Variants in PLEKHA1 observed in about 807,000 individuals in gnomAD.
PLEKHA1 encodes the protein pleckstrin homology domain-containing family A member 1.
PLEKHA1 carries 34 observed loss-of-function variants against 52.0 expected under a neutral mutation model. The ratio of observed to expected loss-of-function variants is 0.65; its 90% CI spans 0.50 to 0.87. The LOEUF (loss-of-function observed/expected upper bound fraction) is 0.87, where lower values mean the gene tolerates loss of function less well. Ranked by LOEUF, PLEKHA1 falls within the 40% of genes least tolerant of loss-of-function variation. The pLI is 0.00. For missense variants in PLEKHA1, 497 were observed against 504.2 expected, an observed-to-expected ratio of 0.99 and a Z score of 0.14; for synonymous variants, 163 against 170.7, an observed-to-expected ratio of 0.95 and a Z score of 0.35.
chr10:122,381,241 A>G (rs1267854419), intron 1 of PLEKHA1, among the ~76,000 whole-genome samples: 2 of 150,498 alleles, frequency 1.3e-5, no homozygotes, highest in East Asian at 3.9e-4. Flanking sequence ...TGGACCAGAG[A>G]GGTAGCAAGT....
At chr10:122,424,534 AAATTT>A (rs1223262805) in intron 9 of PLEKHA1, among the ~76,000 whole-genome samples, 1 of 152,200 alleles carries the variant, frequency 6.6e-6, no homozygotes, top group Non-Finnish European at 1.5e-5. Flanking sequence ...GGAAAGGAAT[AAATTT>A]AATGTGAACA....
intron 3 of PLEKHA1, among the ~76,000 whole-genome samples, chr10:122,398,782 G>A (rs1397695934): frequency 6.6e-6 from 1 of 152,026 alleles, no homozygotes; most frequent in African/African-American, 2.4e-5. Flanking sequence ...TTACAAATGT[G>A]CCTCTGTTTA....
intron 11 of PLEKHA1, among the ~76,000 whole-genome samples, chr10:122,428,579 A>G (rs2097373605): frequency 6.6e-6 from 1 of 152,248 alleles, no homozygotes; most frequent in African/African-American, 2.4e-5. Context: ...ACATATAAAA[A>G]TTAATATACT....
At chr10:122,394,946 T>A (rs559439978) in intron 2 of PLEKHA1, among the ~76,000 whole-genome samples, 20 of 152,346 alleles carry the variant, frequency 1.3e-4, no homozygotes, top group African/African-American at 4.8e-4. Flanking sequence ...CAAAATAGAA[T>A]ATATTTATTA....
At position 122,413,281 on chromosome 10, in the gene PLEKHA1, A is replaced by T. The variant is rs149967879; in HGVS notation, c.468+236A>T. Among the ~76,000 whole-genome samples the T allele has an allele frequency of 7.5e-3, 1,136 of 152,126 alleles. 4 individuals carry two copies. Among genetic ancestry groups the T allele is most frequent in the South Asian group, 0.03 (143 of 4,820 alleles). The stretch of plus-strand genomic sequence containing the variant: ...TGTACTTTTCACCTCAGAAATGGAG[A>T]TATGAGTTGTATATTACATTTTGTA... On this transcript the variant is annotated intron_variant, in intron 6 of 11. Coordinates refer to ENST00000368990, the MANE Select transcript of PLEKHA1 (RefSeq NM_001001974.4).
intron 6 of PLEKHA1, among the ~76,000 whole-genome samples, chr10:122,413,615 T>G (rs2097136118): frequency 6.6e-6 from 1 of 152,144 alleles, no homozygotes; most frequent in African/African-American, 2.4e-5. Flanking sequence ...GAATTTTAAC[T>G]AAGTTATATC....
intron 1 of PLEKHA1, among the ~76,000 whole-genome samples, chr10:122,385,839 A>G (rs1488947130): frequency 1.3e-5 from 2 of 152,150 alleles, no homozygotes; most frequent in African/African-American, 4.8e-5. Flanking sequence ...GCCAAGTAAT[A>G]TTTTATTGTA....
chr10:122,432,256 T>A lies in PLEKHA1; in HGVS notation c.*2318T>A, dbSNP rs1591000525. The A allele has an allele frequency of 6.6e-6, 1 of 152,354 alleles. No homozygotes were observed. The highest frequency in any genetic ancestry group is 1.9e-4 in the East Asian group (1 of 5,186). The allele number at this position is 152,354 out of a possible 1,614,324, so 9.4% of individuals were successfully genotyped here. A position where few individuals can be genotyped will look rare whatever the true frequency, so the allele number is the denominator to read the frequency against. On this transcript the variant is annotated 3_prime_UTR_variant, in exon 12 of 12. Coordinates refer to ENST00000368990, the MANE Select transcript of PLEKHA1 (RefSeq NM_001001974.4). ...TCTTCTTTCAGAATGGGAATATATGTGTGCCTCCCAACATTTACTGTTAAA... is the reference window on the plus strand; with the variant it reads ...TCTTCTTTCAGAATGGGAATATATGAGTGCCTCCCAACATTTACTGTTAAA...
the PLEKHA1 span, chr10:122,440,554 C>G: frequency 6.6e-6 from 1 of 152,216 alleles, no homozygotes; most frequent in Non-Finnish European, 1.5e-5. Context: ...TCTCATCTTT[C>G]CCATCACACA....
At chr10:122,415,168 T>A (rs1425009993) in intron 6 of PLEKHA1, among the ~76,000 whole-genome samples, 2 of 152,190 alleles carry the variant, frequency 1.3e-5, no homozygotes, top group Non-Finnish European at 2.9e-5. Flanking sequence ...TGGACGAATC[T>A]CTAGAGAATT....
chr10:122,421,028 A>G (rs1265509162), intron 8 of PLEKHA1: 1 of 152,246 alleles, frequency 6.6e-6, no homozygotes, highest in Non-Finnish European at 1.5e-5. Context: ...TGTATGTATG[A>G]TGAGGAATGA....
chr10:122,377,922 A>G (rs1176591215), intron 1 of PLEKHA1, among the ~76,000 whole-genome samples: 1 of 152,212 alleles, frequency 6.6e-6, no homozygotes, highest in African/African-American at 2.4e-5. Flanking sequence ...ATAAAAGAAA[A>G]TTAGTCATTT....
chr10:122,375,190 G>GC (rs1241900183), intron 1 of PLEKHA1, among the ~76,000 whole-genome samples: 3 of 151,948 alleles, frequency 2.0e-5, no homozygotes, highest in African/African-American at 7.2e-5. Context: ...CGGCGTCTCC[G>GC]CCCCCCGAGA....
At chr10:122,378,328 AT>A (rs1388377606) in intron 1 of PLEKHA1, among the ~76,000 whole-genome samples, 1 of 152,084 alleles carries the variant, frequency 6.6e-6, no homozygotes, top group Non-Finnish European at 1.5e-5. Context: ...ATGAGTTTTA[AT>A]TTTCACTATT....
chr10:122,429,871 G>A lies in PLEKHA1; in HGVS notation c.1148G>A (p.Gly383Asp). 1 of 1,614,132 alleles carries A rather than the reference G, an allele frequency of 6.2e-7. No homozygotes were observed. Among genetic ancestry groups the A allele is most frequent in the Non-Finnish European group, 8.5e-7 (1 of 1,180,024 alleles). ...QALLRPQSKNGPQEKDCDLVD... is the reference protein window; with the variant it reads ...QALLRPQSKNDPQEKDCDLVD... Reference sequence around the variant, plus strand: ...CTGTTAAGACCTCAAAGTAAAAATGGCCCTCAGGAAAAAGATTGTGACCTA... The same window carrying A: ...CTGTTAAGACCTCAAAGTAAAAATGACCCTCAGGAAAAAGATTGTGACCTA... The change falls in exon 12 of 12, where the codon GGC (glycine) becomes GAC (aspartate). Residue 383 changes from glycine to aspartate, a missense_variant. Transcript: ENST00000368990.
chr10:122,429,062 G>A (rs2097383050), intron 11 of PLEKHA1, among the ~76,000 whole-genome samples: 1 of 152,144 alleles, frequency 6.6e-6, no homozygotes, highest in Non-Finnish European at 1.5e-5. Context: ...TGAAAAGACT[G>A]TGCTATTATT....
At chr10:122,377,984 G>A (rs1394347690) in intron 1 of PLEKHA1, among the ~76,000 whole-genome samples, 1 of 152,118 alleles carries the variant, frequency 6.6e-6, no homozygotes, top group Non-Finnish European at 1.5e-5. Context: ...TTTCCTACAT[G>A]GAACTCTTAC....
chr10:122,399,142 C>A (rs933590611), intron 3 of PLEKHA1, among the ~76,000 whole-genome samples: 5 of 152,016 alleles, frequency 3.3e-5, no homozygotes, highest in Admixed American at 2.6e-4. Flanking sequence ...CTACTTTGGA[C>A]GTACCACTTT....
rs2097410085 is a variant in PLEKHA1 at position 122,430,857 on chromosome 10, A to T, written c.*919A>T. The T allele has an allele frequency of 1.3e-5, 2 of 152,530 alleles. No individual in the cohort carries two copies. The highest frequency in any genetic ancestry group is 2.9e-5 in the Non-Finnish European group (2 of 68,030). The allele number at this position is 152,530 out of a possible 1,614,324, so 9.4% of individuals were successfully genotyped here. A position where few individuals can be genotyped will look rare whatever the true frequency, so the allele number is the denominator to read the frequency against. On this transcript the variant is annotated 3_prime_UTR_variant, in exon 12 of 12. Coordinates refer to ENST00000368990, the MANE Select transcript of PLEKHA1 (RefSeq NM_001001974.4). ...CTGTGTTTTTTCATCTTGTTTAGGA[A>T]TGTTTTGAGATTAATGTGCTTAAAA...
Sources: allele counts gnomAD v4.1 joint callset (sites outside exome capture counted in the v4.1 genomes callset), GRCh38; gene constraint gnomAD v4.1.1; transcripts MANE v1.5; gene names NCBI Gene and HGNC (gene_info 2026-07-23, HGNC 2026-07-21).